Variants in EVC2 observed in about 807,000 individuals in gnomAD.
EVC2 encodes the protein limbin.
Under a neutral mutation model 149.3 loss-of-function variants are expected in EVC2, and 148 were observed. The ratio of observed to expected loss-of-function variants is 0.99; its 90% CI spans 0.87 to 1.14. The LOEUF (loss-of-function observed/expected upper bound fraction) is 1.14. EVC2 is among the 50% of genes most tolerant of loss of function. The pLI is 0.00. For synonymous variants in EVC2, 776 were observed against 649.9 expected, an observed-to-expected ratio of 1.19 and a Z score of -2.95; for missense variants, 1,854 against 1,627.3, an observed-to-expected ratio of 1.14 and a Z score of -2.40.
At chr4:5,703,992 A>C (rs1160999745) in intron 1 of EVC2, among the ~76,000 whole-genome samples, 4 of 152,158 alleles carry the variant, frequency 2.6e-5, no homozygotes, top group African/African-American at 9.7e-5. Flanking sequence ...GTGGGAACAC[A>C]CCCAGGGTGT....
chr4:5,689,378 G>C, intron 4 of EVC2, 35 bp from the exon 5 acceptor site: 1 of 1,611,900 alleles, frequency 6.2e-7, no homozygotes, highest in South Asian at 1.1e-5. Context: ...GGGCAGATTT[G>C]CTGACAAGTC....
intron 17 of EVC2, among the ~76,000 whole-genome samples, chr4:5,582,356 G>A (rs371450541): frequency 4.6e-5 from 7 of 152,360 alleles, no homozygotes; most frequent in South Asian, 4.1e-4. Flanking sequence ...TTCTGAATAT[G>A]AGACATGGAG....
chr4:5,574,607 G>C, intron 19 of EVC2, 78 bp downstream of exon 19: 1 of 1,419,804 alleles, frequency 7.0e-7, no homozygotes, highest in Non-Finnish European at 1.0e-6. Context: ...CTGGAGGTGA[G>C]GAAATGTGGA....
chr4:5,666,564 TTAA>T (rs1719298152), intron 7 of EVC2, among the ~76,000 whole-genome samples: 1 of 152,240 alleles, frequency 6.6e-6, no homozygotes, highest in Non-Finnish European at 1.5e-5. Context: ...ACCCATGTTC[TTAA>T]TAATACTATC....
At chr4:5,574,212 G>A (rs534069245) in intron 19 of EVC2, among the ~76,000 whole-genome samples, 113 of 152,274 alleles carry the variant, frequency 7.4e-4, no homozygotes, top group African/African-American at 2.5e-3. Flanking sequence ...ATAAGGCTCC[G>A]TGCACAGCCT....
intron 17 of EVC2, among the ~76,000 whole-genome samples, chr4:5,583,373 T>A (rs60926374): frequency 0.013 from 1,942 of 152,316 alleles, 36 homozygotes; most frequent in African/African-American, 0.044. Context: ...ATAAAATGAG[T>A]TGAGGAATAT....
In EVC2 at chr4:5,679,038, A is replaced by G. The variant is rs894200079; in HGVS notation, c.870+2222T>C. 2.6e-5 allele frequency among the ~76,000 whole-genome samples: 4 copies of G among 151,006 alleles called. No individual in the cohort carries two copies. Among genetic ancestry groups the G allele is most frequent in the African/African-American group, 9.8e-5 (4 of 41,002 alleles). ...AAAGCAAGACTCTAAGAAAAAAAAGAAAGAAAGAAAAGAAAAATATGTACA... is the reference window on the plus strand; with the variant it reads ...AAAGCAAGACTCTAAGAAAAAAAAGGAAGAAAGAAAAGAAAAATATGTACA... On this transcript the variant is annotated intron_variant, in intron 7 of 21. Coordinates refer to ENST00000344408, the MANE Select transcript of EVC2 (RefSeq NM_147127.5). This position sits in a 1 kb window ranked among gnomAD's most constrained non-coding sequence, Gnocchi z 5.1.
chr4:5,535,935 A>G, the EVC2 span, among the ~76,000 whole-genome samples: 3 of 152,038 alleles, frequency 2.0e-5, no homozygotes, highest in African/African-American at 7.2e-5. This position sits in a 1 kb window ranked among gnomAD's most constrained non-coding sequence, Gnocchi z 4.7. Flanking sequence ...TGTCTCCTAC[A>G]CAGTGCCTGG....
At chr4:5,556,856 G>A (rs898551251) in intron 21 of EVC2, among the ~76,000 whole-genome samples, 1 of 152,066 alleles carries the variant, frequency 6.6e-6, no homozygotes, top group Non-Finnish European at 1.5e-5. Context: ...TCCCTTGAAA[G>A]ACAAACTACA....
rs201735294 is a variant in EVC2 at position 5,568,624 on chromosome 4, G to A, written c.3377C>T (p.Ser1126Leu). 2.5e-5 allele frequency: 40 copies of A among 1,608,490 alleles called. No homozygotes were observed. The highest frequency in any genetic ancestry group is 1.9e-4 in the African/African-American group (14 of 75,026). The part of the protein sequence containing the change: ...TLCSQELRLA[S>L]YLARMAMVPG... ...CACCATGGCCATCCTCGCCAGGTAC[G>A]ATGCCAGTCTCAGCTCCTACAGGAA... Residue 1126 changes from serine (S) to leucine (L), a missense_variant, in exon 20 of 22, where the codon TCG (serine) becomes TTG (leucine). Transcript: ENST00000344408.
intron 9 of EVC2, among the ~76,000 whole-genome samples, chr4:5,644,825 C>A (rs1717593182): frequency 6.6e-6 from 1 of 152,124 alleles, no homozygotes; most frequent in African/African-American, 2.4e-5. Flanking sequence ...ATAATGACCA[C>A]TAGGTCCATC....
chr4:5,625,430 T>G lies in EVC2; in HGVS notation c.2046+319A>C, dbSNP rs1305725142. On this transcript the variant is annotated intron_variant, in intron 13 of 21. Transcript: ENST00000344408. The surrounding 1 kb of genome is among the most constrained non-coding windows in gnomAD (Gnocchi z 4.0). ...ATAACACACTTAGCACAGTGCTAAGTAAGCAGCCAATAAATGTTAGCACCT... is the reference window on the plus strand; with the variant it reads ...ATAACACACTTAGCACAGTGCTAAGGAAGCAGCCAATAAATGTTAGCACCT... Among the ~76,000 whole-genome samples, 4 of 152,104 alleles carry G rather than the reference T, an allele frequency of 2.6e-5. No homozygotes were observed. The East Asian group carries it at 7.7e-4, about 29-fold the overall frequency.
chr4:5,618,459 A>C lies in EVC2; in HGVS notation c.2706+19T>G. The C allele has an allele frequency of 6.2e-7, 1 of 1,612,338 alleles. No individual in the cohort carries two copies. Among genetic ancestry groups the C allele is most frequent in the Non-Finnish European group, 8.5e-7 (1 of 1,179,988 alleles). ...GACGGCCCTGCTTCTGTAATCGGCC[A>C]CTGACAGGTCCATCCTACCTGCAGC... On this transcript the variant is annotated intron_variant, in intron 15 of 21. Coordinates refer to ENST00000344408, the MANE Select transcript of EVC2 (RefSeq NM_147127.5). This position sits in a 1 kb window ranked among gnomAD's most constrained non-coding sequence, Gnocchi z 4.4.
At chr4:5,705,395 T>C (rs895702431) in intron 1 of EVC2, among the ~76,000 whole-genome samples, 6 of 152,186 alleles carry the variant, frequency 3.9e-5, no homozygotes, top group Admixed American at 6.5e-5. Flanking sequence ...TTTCCAATTA[T>C]TGAAGACTCC....
rs147966401 is a variant in EVC2 at position 5,697,700 on chromosome 4, G to T, written c.229-53C>A. The T allele has an allele frequency of 3.0e-5, 45 of 1,478,578 alleles. 1 individual carries two copies. The highest frequency in any genetic ancestry group is 2.2e-4 in the South Asian group (19 of 87,780). 91.6% of individuals were successfully genotyped at this position (1,478,578 alleles called of 1,614,324 possible). A position where few individuals can be genotyped will look rare whatever the true frequency, so the allele number is the denominator to read the frequency against. The stretch of plus-strand genomic sequence containing the variant: ...AATGGAACACATACTTCTGAGAAGT[G>T]ATAATAAATAATCTTTGTAAATGAC... On this transcript the variant is annotated intron_variant, in intron 1 of 21. Coordinates refer to ENST00000344408, the MANE Select transcript of EVC2 (RefSeq NM_147127.5).
intron 16 of EVC2, among the ~76,000 whole-genome samples, chr4:5,609,665 C>A (rs1013345577): frequency 6.6e-6 from 1 of 152,212 alleles, no homozygotes; most frequent in Non-Finnish European, 1.5e-5. Context: ...ATCACTGTCA[C>A]AAGCCACATT....
Position 5,568,417 on chromosome 4 carries a change from G to A in EVC2, c.3557+27C>T, listed in dbSNP as rs763950918. ...ACCCTTGTGGACAGGGACGTGCCCC[G>A]GGAGGCAGCCCCTCCACGGCACTCA... On this transcript the variant is annotated intron_variant, in intron 20 of 21. Coordinates refer to ENST00000344408, the MANE Select transcript of EVC2 (RefSeq NM_147127.5). The A allele has an allele frequency of 6.2e-5, 95 of 1,537,802 alleles. No individual in the cohort carries two copies. In the Middle Eastern group the frequency reaches 6.8e-4, roughly 11 times the overall value.
chr4:5,571,338 G>T (rs1203615659), intron 19 of EVC2, among the ~76,000 whole-genome samples: 14 of 76,544 alleles, frequency 1.8e-4, no homozygotes, highest in African/African-American at 6.3e-4. Context: ...AAAAAAAAAA[G>T]ACTATACATT....
intron 21 of EVC2, among the ~76,000 whole-genome samples, chr4:5,546,942 C>T (rs2108757465): frequency 6.6e-6 from 1 of 152,248 alleles, no homozygotes; most frequent in Admixed American, 6.5e-5. Context: ...CCACAGCTGC[C>T]CAAGTTGTGA....
Sources: gnomAD v4.1 joint callset for allele counts (sites outside exome capture counted in the v4.1 genomes callset) on GRCh38, gnomAD v4.1.1 for gene constraint, Gnocchi (gnomAD v3.1) non-coding constraint, MANE v1.5 for transcripts, NCBI Gene and HGNC (gene_info 2026-07-23, HGNC 2026-07-21) for gene names.